Variants in GNAO1 observed in about 807,000 individuals in gnomAD.
GNAO1 encodes the protein guanine nucleotide-binding protein G(o) subunit alpha.
For synonymous variants in GNAO1, 164 were observed against 180.7 expected, an observed-to-expected ratio of 0.91 and a Z score of 0.74; for missense variants, 166 against 478.7, an observed-to-expected ratio of 0.35 and a Z score of 6.10.
In GNAO1 at chr16:56,256,710, CTCTCTCTCTG is replaced by C. The variant is rs1279334160; in HGVS notation, c.162-19219_162-19210del. Among the ~76,000 whole-genome samples the C allele has an allele frequency of 5.0e-3, 608 of 120,482 alleles. 1 individual carries two copies. The highest frequency in any genetic ancestry group is 0.019 in the African/African-American group (567 of 29,792). 79.0% of individuals were successfully genotyped at this position (120,482 alleles called of 152,430 possible). ...TGTCTCTCTCTCTCTCTCTCTCTCT[CTCTCTCTCTG>C]TGTGTGTGTGTGTGTGTGTGTGTGT... On this transcript the variant is annotated intron_variant, in intron 2 of 8. Transcript: ENST00000262493.
rs1238059065 is a variant in GNAO1 at position 56,191,629 on chromosome 16, C to CCCCTGCCCAA, written c.-597_-588dup. The stretch of plus-strand genomic sequence containing the variant: ...CTAGAGACCTGCCCCTCGGCCCGGC[C>CCCCTGCCCAA]CCCTGCCCAACCCTGCCCAGCGCGC... On this transcript the variant is annotated 5_prime_UTR_variant, in exon 1 of 9. Transcript: ENST00000262493. The surrounding 1 kb of genome is among the most constrained non-coding windows in gnomAD (Gnocchi z 4.7). 5 of 154,150 alleles carry CCCCTGCCCAA rather than the reference C, an allele frequency of 3.2e-5. No homozygotes were observed. Among genetic ancestry groups the CCCCTGCCCAA allele is most frequent in the Non-Finnish European group, 7.2e-5 (5 of 69,208 alleles). 9.5% of individuals were successfully genotyped at this position (154,150 alleles called of 1,614,324 possible). A position where few individuals can be genotyped will look rare whatever the true frequency, so the allele number is the denominator to read the frequency against.
intron 6 of GNAO1, among the ~76,000 whole-genome samples, chr16:56,337,877 C>T (rs1006563544): frequency 9.9e-5 from 15 of 152,204 alleles, no homozygotes; most frequent in Non-Finnish European, 1.5e-5. Context: ...GACAGCGGGG[C>T]CCATAGGCTA....
intron 5 of GNAO1, 150 bp downstream of exon 5, chr16:56,335,007 G>A: frequency 2.6e-6 from 2 of 761,670 alleles, no homozygotes; most frequent in East Asian, 5.4e-5. Flanking sequence ...GAAGGAACCT[G>A]TCTGTGTTTC....
intron 2 of GNAO1, among the ~76,000 whole-genome samples, chr16:56,201,980 T>G (rs1400105042): frequency 2.0e-5 from 3 of 152,012 alleles, no homozygotes; most frequent in African/African-American, 4.8e-5. Context: ...GCCATAGAAG[T>G]TGGTAACCTT....
intron 2 of GNAO1, among the ~76,000 whole-genome samples, chr16:56,216,638 G>C (rs115173222): frequency 6.6e-6 from 1 of 152,194 alleles, no homozygotes; most frequent in South Asian, 2.1e-4. Flanking sequence ...TGGCTGTTAG[G>C]AGTATCAAAT....
chr16:56,194,277 G>A (rs1363236751), intron 2 of GNAO1: 1 of 456,598 alleles, frequency 2.2e-6, no homozygotes. Context: ...ATGGGGAGGC[G>A]GGGCCTGGGG....
At position 56,354,591 on chromosome 16, in the gene GNAO1, G is replaced by A. The variant is rs1374878537; in HGVS notation, c.878-275G>A. ...CTCAGGAGGCTGAGGCAGGAGAATC[G>A]CTTGAACCTGGGAGGCAGAGGTTGC... is the stretch of plus-strand genomic sequence containing the variant. On this transcript the variant is annotated intron_variant, in intron 7 of 8. Transcript: ENST00000262493. This position sits in a 1 kb window ranked among gnomAD's most constrained non-coding sequence, Gnocchi z 4.3. Among the ~76,000 whole-genome samples the A allele has an allele frequency of 6.6e-6, 1 of 152,118 alleles. No homozygotes were observed. The highest frequency in any genetic ancestry group is 1.5e-5 in the Non-Finnish European group (1 of 68,032).
intron 2 of GNAO1, 110 bp downstream of exon 2, chr16:56,192,726 G>GCACACACACA (rs60037687): frequency 8.7e-5 from 49 of 564,886 alleles, no homozygotes; most frequent in East Asian, 6.7e-5. Flanking sequence ...TTTAATTCGT[G>GCACACACACA]CACACACACA....
intron 8 of GNAO1, chr16:56,355,314 T>C (rs1404789982): frequency 6.4e-6 from 1 of 157,356 alleles, no homozygotes; most frequent in African/African-American, 2.4e-5. Flanking sequence ...CATGGAGGTT[T>C]TCCTGGGACG....
intron 2 of GNAO1, among the ~76,000 whole-genome samples, chr16:56,204,447 G>A (rs1226352050): frequency 6.6e-6 from 1 of 152,142 alleles, no homozygotes; most frequent in Non-Finnish European, 1.5e-5. Flanking sequence ...AGGGCCCAGG[G>A]AAGGGGTGCA....
chr16:56,345,203 C>T lies in GNAO1; in HGVS notation c.724-6181C>T, dbSNP rs1235094896. 6 of 985,592 alleles carry T rather than the reference C, an allele frequency of 6.1e-6. No individual in the cohort carries two copies. The Admixed American group carries it at 1.8e-4, about 30-fold the overall frequency. The allele number at this position is 985,592 out of a possible 1,614,324, so 61.1% of individuals were successfully genotyped here. On this transcript the variant is annotated intron_variant, in intron 6 of 8. Coordinates refer to ENST00000262493, the MANE Select transcript of GNAO1 (RefSeq NM_020988.3). ...CCTTGGGCAACCAACACACCTCTCC[C>T]ACTCCAAGATGCCTCCAGGTGGCTG...
At chr16:56,258,399 A>G (rs1297728684) in intron 2 of GNAO1, among the ~76,000 whole-genome samples, 2 of 152,234 alleles carry the variant, frequency 1.3e-5, no homozygotes, top group African/African-American at 4.8e-5. Flanking sequence ...TGTCCAGCAC[A>G]AAGTTGGTGT....
At chr16:56,271,539 C>A (rs2037018342) in intron 2 of GNAO1, among the ~76,000 whole-genome samples, 1 of 152,198 alleles carries the variant, frequency 6.6e-6, no homozygotes. Context: ...CTGCCACGTC[C>A]TCCTCCTGGG....
Position 56,328,546 on chromosome 16 carries a change from T to A in GNAO1, c.304-85T>A, listed in dbSNP as rs1038792838. The A allele has an allele frequency of 9.3e-6, 13 of 1,398,742 alleles. No homozygotes were observed. In the East Asian group the frequency reaches 2.8e-4, roughly 30 times the overall value. The allele number at this position is 1,398,742 out of a possible 1,614,324, so 86.6% of individuals were successfully genotyped here. Reference sequence around the variant, plus strand: ...TGCACTGGCTGGGCTCTCATCACAGTCCCCGCTAGGGGAGAGCCCTTGGCT... The same window carrying A: ...TGCACTGGCTGGGCTCTCATCACAGACCCCGCTAGGGGAGAGCCCTTGGCT... On this transcript the variant is annotated intron_variant, in intron 3 of 8. Transcript: ENST00000262493.
rs1211942726 is a variant in GNAO1 at position 56,354,736 on chromosome 16, A to C, written c.878-130A>C. The C allele has an allele frequency of 3.3e-6, 2 of 601,596 alleles. No homozygotes were observed. Among genetic ancestry groups the C allele is most frequent in the Non-Finnish European group, 5.9e-6 (2 of 336,724 alleles). 37.3% of individuals were successfully genotyped at this position (601,596 alleles called of 1,614,324 possible). A position where few individuals can be genotyped will look rare whatever the true frequency, so the allele number is the denominator to read the frequency against. ...GGCTTGGAACTGCCCAGCAGTTCCT[A>C]CTGCTCCCTTCCTGTCTCATCCCAC... On this transcript the variant is annotated intron_variant, in intron 7 of 8. Coordinates refer to ENST00000262493, the MANE Select transcript of GNAO1 (RefSeq NM_020988.3). The surrounding 1 kb of genome is among the most constrained non-coding windows in gnomAD (Gnocchi z 4.3).
In GNAO1 at chr16:56,328,813, T is replaced by C. The variant is rs2241952; in HGVS notation, c.464+22T>C. ...AATAGTGAGTGTCCCAGCGGGCGCATGGCCTGGAGCCGGGCAGTGATGCGG... is the reference window on the plus strand; with the variant it reads ...AATAGTGAGTGTCCCAGCGGGCGCACGGCCTGGAGCCGGGCAGTGATGCGG... On this transcript the variant is annotated intron_variant, in intron 4 of 8. Transcript: ENST00000262493. The C allele has an allele frequency of 0.66, 1,064,289 of 1,610,602 alleles. 356,336 individuals carry two copies. The highest frequency in any genetic ancestry group is 0.77 in the East Asian group (34,364 of 44,798).
intron 3 of GNAO1, among the ~76,000 whole-genome samples, chr16:56,306,215 A>G (rs1325920019): frequency 1.3e-5 from 2 of 152,200 alleles, no homozygotes; most frequent in Non-Finnish European, 2.9e-5. Context: ...TTCTTACCGA[A>G]GGTCAGTCAG....
chr16:56,352,195 C>G (rs1470656788), intron 7 of GNAO1: 2 of 152,800 alleles, frequency 1.3e-5, no homozygotes, highest in Non-Finnish European at 2.9e-5. Context: ...TCCTGTATCA[C>G]TGCCTCCCTT....
At chr16:56,338,120 G>C (rs1195482648) in intron 6 of GNAO1, among the ~76,000 whole-genome samples, 2 of 152,144 alleles carry the variant, frequency 1.3e-5, no homozygotes, top group Non-Finnish European at 2.9e-5. Flanking sequence ...TGTGGGCTAC[G>C]GGGCACAGTG....
Sources: allele counts gnomAD v4.1 joint callset (sites outside exome capture counted in the v4.1 genomes callset), GRCh38; gene constraint gnomAD v4.1.1; non-coding constraint Gnocchi (gnomAD v3.1); transcripts MANE v1.5; gene names NCBI Gene and HGNC (gene_info 2026-07-23, HGNC 2026-07-21).